Variants in TSPAN15 observed in about 807,000 individuals in gnomAD.
TSPAN15 encodes tetraspanin-15.
Under a neutral mutation model 34.5 loss-of-function variants are expected in TSPAN15, and 20 were observed. That is an observed-to-expected ratio of 0.58 (90% CI 0.41 to 0.84). The LOEUF is 0.84. TSPAN15 is among the 40% of genes least tolerant of loss of function. TSPAN15 has a pLI of 0.00. For synonymous variants in TSPAN15, 155 were observed against 153.9 expected, an observed-to-expected ratio of 1.01 and a Z score of -0.05; for missense variants, 313 against 386.1, an observed-to-expected ratio of 0.81 and a Z score of 1.59.
chr10:69,493,516 AGTCTAGAGTG>A (rs1564612580), intron 3 of TSPAN15, among the ~76,000 whole-genome samples: 4 of 124,360 alleles, frequency 3.2e-5, no homozygotes, highest in Non-Finnish European at 6.3e-5. Flanking sequence ...TCTGTCACCC[AGTCTAGAGTG>A]CAGTGGTGCC....
At chr10:69,487,708 C>T (rs1841883851) in intron 3 of TSPAN15, among the ~76,000 whole-genome samples, 3 of 152,258 alleles carry the variant, frequency 2.0e-5, no homozygotes, top group African/African-American at 4.8e-5. Flanking sequence ...GTCAACAGAA[C>T]ATCACCTCCT....
At chr10:69,466,458 A>C (rs558200122) in intron 1 of TSPAN15, among the ~76,000 whole-genome samples, 2 of 152,304 alleles carry the variant, frequency 1.3e-5, no homozygotes, top group South Asian at 4.1e-4. Context: ...TTTAATATGC[A>C]TGTGGGAAGT....
At chr10:69,454,322 A>G (rs923815719) in intron 1 of TSPAN15, among the ~76,000 whole-genome samples, 1 of 152,128 alleles carries the variant, frequency 6.6e-6, no homozygotes, top group African/African-American at 2.4e-5. Flanking sequence ...GTTTGAGACC[A>G]GCCTGGCTAA....
intron 3 of TSPAN15, chr10:69,495,243 A>G (rs1233251401): frequency 9.4e-6 from 2 of 212,434 alleles, no homozygotes; most frequent in South Asian, 1.9e-4. Flanking sequence ...TGGAACCAGG[A>G]CAGCCAGGTC....
chr10:69,543,031 G>A, the TSPAN15 span, among the ~76,000 whole-genome samples: 1 of 152,146 alleles, frequency 6.6e-6, no homozygotes, highest in Non-Finnish European at 1.5e-5. Context: ...CTCCCTTTAG[G>A]GGAAGTCTTT....
intron 3 of TSPAN15, 81 bp downstream of exon 3, chr10:69,485,296 A>G (rs1841829001): frequency 1.7e-6 from 2 of 1,186,270 alleles, no homozygotes; most frequent in Non-Finnish European, 2.5e-6. Context: ...GGGGTATGGC[A>G]GTGAGCAGGG....
Position 69,451,552 on chromosome 10 carries a change from G to T in TSPAN15, c.-43G>T. On this transcript the variant is annotated 5_prime_UTR_variant, in exon 1 of 8. Transcript: ENST00000373290. The stretch of plus-strand genomic sequence containing the variant: ...GAGCGCTGGCTGAGGGACCGAGCCG[G>T]AGAGCCCCGGAGCCCCCGTAACCCG... The T allele has an allele frequency of 7.4e-7, 1 of 1,355,510 alleles. No individual in the cohort carries two copies. Among genetic ancestry groups the T allele is most frequent in the Non-Finnish European group, 9.5e-7 (1 of 1,051,390 alleles). The allele number at this position is 1,355,510 out of a possible 1,614,324, so 84.0% of individuals were successfully genotyped here. A position where few individuals can be genotyped will look rare whatever the true frequency, so the allele number is the denominator to read the frequency against.
At chr10:69,523,958 C>G in the TSPAN15 span, among the ~76,000 whole-genome samples, 4 of 147,682 alleles carry the variant, frequency 2.7e-5, no homozygotes, top group Non-Finnish European at 6.0e-5. Flanking sequence ...TCAGGATTCA[C>G]TCTGTATTCA....
the TSPAN15 span, among the ~76,000 whole-genome samples, chr10:69,536,385 A>G: frequency 3.9e-4 from 60 of 152,314 alleles, no homozygotes; most frequent in African/African-American, 1.3e-3. Context: ...ACACTATGCT[A>G]GGCATTGAAA....
chr10:69,465,187 A>G (rs1304307356), intron 1 of TSPAN15, among the ~76,000 whole-genome samples: 1 of 152,220 alleles, frequency 6.6e-6, no homozygotes, highest in Non-Finnish European at 1.5e-5. Context: ...TGGCAGAGAC[A>G]CTTAGCTTCG....
chr10:69,452,439 G>A (rs1840993553), intron 1 of TSPAN15, among the ~76,000 whole-genome samples: 1 of 152,166 alleles, frequency 6.6e-6, no homozygotes, highest in South Asian at 2.1e-4. Flanking sequence ...TTTCTGAAAT[G>A]AGCACTTGCT....
chr10:69,467,656 ACACACACACACACACAC>A, intron 1 of TSPAN15, among the ~76,000 whole-genome samples: 1 of 151,702 alleles, frequency 6.6e-6, no homozygotes, highest in Non-Finnish European at 1.5e-5. Flanking sequence ...ACACACACAC[ACACACACACACACACAC>A]ACCTCTTCTT....
chr10:69,539,563 G>GAGAAGGAGAAGAAGA, the TSPAN15 span, among the ~76,000 whole-genome samples: 6 of 101,452 alleles, frequency 5.9e-5, no homozygotes, highest in African/African-American at 2.1e-4. Flanking sequence ...GAAGGAGAAG[G>GAGAAGGAGAAGAAGA]AGAAGAAGAC....
In TSPAN15 at chr10:69,498,266, C is replaced by T. The variant is rs1327810084; in HGVS notation, c.454-14C>T. 6.2e-7 allele frequency: 1 copy of T among 1,612,542 alleles called. No homozygotes were observed. Among genetic ancestry groups the T allele is most frequent in the East Asian group, 2.2e-5 (1 of 44,866 alleles). On this transcript the variant is annotated splice_polypyrimidine_tract_variant and intron_variant, in intron 4 of 7. Transcript: ENST00000373290. Reference sequence around the variant, plus strand: ...CGATGACGGCAGCTCCTCTTTCCTGCTTGCTTCCCTCAGTTCAAGTGCTGT... The same window carrying T: ...CGATGACGGCAGCTCCTCTTTCCTGTTTGCTTCCCTCAGTTCAAGTGCTGT...
intron 3 of TSPAN15, among the ~76,000 whole-genome samples, chr10:69,490,915 G>A (rs1245288035): frequency 6.6e-6 from 1 of 152,210 alleles, no homozygotes; most frequent in Non-Finnish European, 1.5e-5. Flanking sequence ...CCGTGGATGT[G>A]GAGGGCCGGC....
the TSPAN15 span, among the ~76,000 whole-genome samples, chr10:69,519,420 C>CA: frequency 1.4e-3 from 209 of 149,684 alleles, no homozygotes; most frequent in African/African-American, 4.8e-3. Flanking sequence ...GACCCTGTCT[C>CA]AAAAAAAATA....
At chr10:69,457,992 G>A (rs796532939) in intron 1 of TSPAN15, among the ~76,000 whole-genome samples, 4 of 152,288 alleles carry the variant, frequency 2.6e-5, no homozygotes, top group Admixed American at 2.0e-4. Context: ...TAAATTTACC[G>A]ATAAGAAATC....
At chr10:69,473,753 G>T (rs1212358702) in intron 1 of TSPAN15, among the ~76,000 whole-genome samples, 1 of 152,206 alleles carries the variant, frequency 6.6e-6, no homozygotes, top group East Asian at 1.9e-4. Flanking sequence ...TTTCCCCTTT[G>T]TCCTCTTTGG....
At chr10:69,486,824 A>G (rs3793836) in intron 3 of TSPAN15, among the ~76,000 whole-genome samples, 11,174 of 152,288 alleles carry the variant, frequency 0.073, 1,338 homozygotes, top group African/African-American at 0.25. Context: ...TGGAATCCAG[A>G]GGTCTTCCTG....
Sources: allele counts gnomAD v4.1 joint callset (sites outside exome capture counted in the v4.1 genomes callset), GRCh38; gene constraint gnomAD v4.1.1; transcripts MANE v1.5; gene names NCBI Gene and HGNC (gene_info 2026-07-23, HGNC 2026-07-21).